Variants in GABRG3 observed in about 807,000 individuals in gnomAD.
The protein encoded by GABRG3 is gamma-aminobutyric acid type A receptor subunit gamma3, also known as gamma-aminobutyric acid receptor subunit gamma-3.
In GABRG3, 25 loss-of-function variants were observed where a neutral mutation model predicts 48.8. The observed-to-expected ratio is 0.51, with a 90% CI of 0.37 to 0.72. The LOEUF (loss-of-function observed/expected upper bound fraction) is 0.72, where lower values mean the gene tolerates loss of function less well. GABRG3 is among the 30% of genes least tolerant of loss of function. The probability of loss-of-function intolerance (pLI) is 0.00; values close to 1 mark genes in which losing one functional copy is unlikely to be tolerated. For missense variants in GABRG3, 394 were observed against 577.9 expected (o/e 0.68, Z 3.26); for synonymous variants, 227 against 217.6 (o/e 1.04, Z -0.38).
intron 3 of GABRG3, among the ~76,000 whole-genome samples, chr15:27,218,041 G>A (rs933507670): frequency 9.2e-5 from 14 of 152,092 alleles, no homozygotes; most frequent in African/African-American, 3.1e-4. Context: ...GGAGCTTCCC[G>A]CGCTGTCTCC....
intron 3 of GABRG3, among the ~76,000 whole-genome samples, chr15:27,301,679 T>C (rs562393966): frequency 6.6e-6 from 1 of 151,910 alleles, no homozygotes; most frequent in Non-Finnish European, 1.5e-5. Context: ...TATAAAACAG[T>C]TAAAAACAAA....
chr15:27,446,891 C>G (rs535231195), intron 5 of GABRG3, among the ~76,000 whole-genome samples: 1 of 152,212 alleles, frequency 6.6e-6, no homozygotes, highest in African/African-American at 2.4e-5. Flanking sequence ...ACATACACCC[C>G]CAACACACAT....
intron 5 of GABRG3, among the ~76,000 whole-genome samples, chr15:27,403,148 T>C (rs1382117531): frequency 1.3e-5 from 2 of 151,982 alleles, no homozygotes; most frequent in African/African-American, 4.8e-5. Context: ...AAATTAAGAC[T>C]GAAATTTAAG....
chr15:27,258,939 A>G (rs1401788822), intron 3 of GABRG3, among the ~76,000 whole-genome samples: 1 of 152,164 alleles, frequency 6.6e-6, no homozygotes, highest in Admixed American at 6.5e-5. Flanking sequence ...TACTCAGTTT[A>G]CATCCTACTT....
At chr15:27,128,888 G>A (rs951892537) in intron 3 of GABRG3, among the ~76,000 whole-genome samples, 2 of 152,072 alleles carry the variant, frequency 1.3e-5, no homozygotes, top group South Asian at 4.1e-4. Context: ...TTTCAGTTTT[G>A]AATTTTATTT....
chr15:27,266,119 A>T (rs1303390523), intron 3 of GABRG3, among the ~76,000 whole-genome samples: 1 of 152,004 alleles, frequency 6.6e-6, no homozygotes, highest in Non-Finnish European at 1.5e-5. Flanking sequence ...ACCTCAGGTG[A>T]TCTGCCCGCC....
At chr15:27,248,648 G>A (rs1890338472) in intron 3 of GABRG3, among the ~76,000 whole-genome samples, 8 of 152,116 alleles carry the variant, frequency 5.3e-5, no homozygotes, top group Admixed American at 5.2e-4. Flanking sequence ...GGTCTAGCAT[G>A]TGGGTCTTGT....
At chr15:27,144,382 T>TA (rs1898159671) in intron 3 of GABRG3, among the ~76,000 whole-genome samples, 1 of 152,080 alleles carries the variant, frequency 6.6e-6, no homozygotes, top group African/African-American at 2.4e-5. Context: ...ATTCTTAGAG[T>TA]ATTGTCATTA....
chr15:27,246,193 C>T (rs1185987412), intron 3 of GABRG3, among the ~76,000 whole-genome samples: 1 of 152,118 alleles, frequency 6.6e-6, no homozygotes, highest in Non-Finnish European at 1.5e-5. Flanking sequence ...AAACCATATT[C>T]GATCTCCAGG....
intron 3 of GABRG3, among the ~76,000 whole-genome samples, chr15:27,091,932 G>A (rs987939287): frequency 4.6e-5 from 7 of 152,198 alleles, no homozygotes; most frequent in East Asian, 1.9e-4. Flanking sequence ...GCTATCTTTC[G>A]GCATGCTGGT....
At chr15:27,300,746 A>G (rs1250959564) in intron 3 of GABRG3, among the ~76,000 whole-genome samples, 1 of 152,034 alleles carries the variant, frequency 6.6e-6, no homozygotes, top group African/African-American at 2.4e-5. Context: ...GTTATCAGCA[A>G]AGAAATTGAG....
intron 5 of GABRG3, among the ~76,000 whole-genome samples, chr15:27,357,319 G>T (rs1894874370): frequency 6.6e-6 from 1 of 152,148 alleles, no homozygotes; most frequent in South Asian, 2.1e-4. Context: ...AAATTCAAGT[G>T]GGTAAATTGA....
intron 3 of GABRG3, among the ~76,000 whole-genome samples, chr15:27,136,326 A>G (rs1443331475): frequency 1.3e-5 from 2 of 152,226 alleles, no homozygotes; most frequent in African/African-American, 4.8e-5. Context: ...GGAATGTAAA[A>G]TTGACATATA....
chr15:27,246,109 A>G (rs1432709305), intron 3 of GABRG3, among the ~76,000 whole-genome samples: 1 of 152,078 alleles, frequency 6.6e-6, no homozygotes, highest in East Asian at 1.9e-4. Context: ...CACGACCCAA[A>G]CACCTCCCGC....
At chr15:27,149,759 T>C (rs1898276246) in intron 3 of GABRG3, among the ~76,000 whole-genome samples, 1 of 152,196 alleles carries the variant, frequency 6.6e-6, no homozygotes, top group African/African-American at 2.4e-5. Context: ...AAACCTTGAT[T>C]TTTGACAAGG....
At chr15:27,360,320 AG>A (rs1428852657) in intron 5 of GABRG3, among the ~76,000 whole-genome samples, 2 of 152,106 alleles carry the variant, frequency 1.3e-5, no homozygotes, top group Non-Finnish European at 2.9e-5. Context: ...GGACTTGACA[AG>A]GTCGGGTGGA....
At chr15:27,384,097 A>C (rs915531987) in intron 5 of GABRG3, among the ~76,000 whole-genome samples, 5 of 152,238 alleles carry the variant, frequency 3.3e-5, no homozygotes, top group Non-Finnish European at 2.9e-5. Context: ...GGAAGTGTTT[A>C]ATTTTACTCA....
chr15:27,308,147 T>TTG (rs1566773192), intron 3 of GABRG3, among the ~76,000 whole-genome samples: 1 of 93,834 alleles, frequency 1.1e-5, no homozygotes, highest in African/African-American at 4.6e-5. Context: ...TGTTTATACA[T>TTG]CCAAACATAT....
intron 3 of GABRG3, among the ~76,000 whole-genome samples, chr15:27,247,073 G>A (rs1890292967): frequency 6.6e-6 from 1 of 152,074 alleles, no homozygotes; most frequent in African/African-American, 2.4e-5. Flanking sequence ...CGAGTAACTG[G>A]GACTGCAGGT....
Sources: gnomAD v4.1 joint callset for allele counts (sites outside exome capture counted in the v4.1 genomes callset) on GRCh38, gnomAD v4.1.1 for gene constraint, MANE v1.5 for transcripts, NCBI Gene and HGNC (gene_info 2026-07-23, HGNC 2026-07-21) for gene names.